Variants in UTY observed in about 807,000 individuals in gnomAD.
UTY encodes ubiquitously transcribed tetratricopeptide repeat containing, Y-linked, also known as histone demethylase UTY.
UTY carries 12 observed loss-of-function variants against 32.5 expected under a neutral mutation model. That is an observed-to-expected ratio of 0.37 (90% CI 0.24 to 0.60). The LOEUF (loss-of-function observed/expected upper bound fraction) is 0.60. Among genes scored for constraint, UTY ranks in the 20% least tolerant of loss-of-function variants. The pLI, the probability that UTY is intolerant of heterozygous loss-of-function variation, is 0.69. For synonymous variants in UTY, 131 were observed against 103.4 expected (o/e 1.27, Z -1.62); for missense variants, 303 against 299.2 (o/e 1.01, Z -0.09).
At chrY:13,264,292 T>C (rs769763516) in intron 27 of UTY, among the ~76,000 whole-genome samples, 2 of 33,732 alleles carry the variant, frequency 5.9e-5, no homozygotes, top group Admixed American at 5.4e-4. Flanking sequence ...ATGTACCCAG[T>C]AATGGAATTG....
chrY:13,396,578 G>A (rs749060019), intron 7 of UTY: 43 of 35,913 alleles, frequency 1.2e-3, no homozygotes, highest in Admixed American at 6.9e-3. Context: ...TCAAGCTTAC[G>A]GTATGTGCAA....
At chrY:13,263,994 T>A (rs2055525011) in intron 27 of UTY, among the ~76,000 whole-genome samples, 2 of 33,972 alleles carry the variant, frequency 5.9e-5, no homozygotes, top group South Asian at 1.3e-3. Flanking sequence ...ATCTCAATGT[T>A]CAACTCCCAC....
intron 3 of UTY, among the ~76,000 whole-genome samples, chrY:13,452,305 G>A (rs2076387046): frequency 6.1e-5 from 2 of 32,792 alleles, no homozygotes; most frequent in East Asian, 8.0e-4. Flanking sequence ...CCCATGAGGC[G>A]GACGCTGCAG....
intron 27 of UTY, among the ~76,000 whole-genome samples, chrY:13,293,298 G>C: frequency 3.0e-5 from 1 of 33,122 alleles, no homozygotes; most frequent in Admixed American, 2.8e-4. Context: ...AATTAGATAA[G>C]AAAAATAAAT....
chrY:13,275,983 G>C, intron 27 of UTY, among the ~76,000 whole-genome samples: 1 of 34,043 alleles, frequency 2.9e-5, no homozygotes, highest in Non-Finnish European at 7.3e-5. Context: ...AGTGGCTCAA[G>C]CCTGTAATCC....
intron 3 of UTY, among the ~76,000 whole-genome samples, chrY:13,456,256 CAT>C (rs1352776311): frequency 9.0e-5 from 3 of 33,251 alleles, no homozygotes. Flanking sequence ...TTCACACAAA[CAT>C]ATATGTGAAG....
chrY:13,323,101 C>A, intron 21 of UTY: 1 of 228,315 alleles, frequency 4.4e-6, no homozygotes, highest in Non-Finnish European at 5.3e-6. Context: ...ATTTTGCTTA[C>A]ATTTTTAAAA....
intron 21 of UTY, among the ~76,000 whole-genome samples, chrY:13,313,767 G>T (rs1033410205): frequency 9.0e-5 from 3 of 33,488 alleles, no homozygotes. Context: ...CATCGGTTTC[G>T]TCTGGGAACA....
At chrY:13,247,818 T>C (rs2053966505), downstream of UTY, among the ~76,000 whole-genome samples, 1 of 33,987 alleles carries the variant, frequency 2.9e-5, no homozygotes, top group Non-Finnish European at 7.3e-5. Flanking sequence ...ATCCTAGCCA[T>C]AAATCATCTT....
chrY:13,450,546 C>G (rs2076235021), intron 3 of UTY, among the ~76,000 whole-genome samples: 2 of 33,563 alleles, frequency 6.0e-5, no homozygotes, highest in South Asian at 1.3e-3. Flanking sequence ...CAAGCATGGC[C>G]AGGCGCAGTT....
At chrY:13,469,494 C>A (rs954272686) in intron 3 of UTY, among the ~76,000 whole-genome samples, 3 of 32,712 alleles carry the variant, frequency 9.2e-5, no homozygotes, top group Non-Finnish European at 2.2e-4. Context: ...CAGGCATGAG[C>A]CACCAGGCCC....
At chrY:13,277,117 A>G in intron 27 of UTY, among the ~76,000 whole-genome samples, 1 of 34,046 alleles carries the variant, frequency 2.9e-5, no homozygotes, top group Non-Finnish European at 7.3e-5. Flanking sequence ...TTAATGCAAC[A>G]CCGTACAAGT....
At chrY:13,391,557 G>C in intron 8 of UTY, among the ~76,000 whole-genome samples, 1 of 32,397 alleles carries the variant, frequency 3.1e-5, no homozygotes, top group Non-Finnish European at 7.6e-5. Flanking sequence ...GTTCTCACAA[G>C]ATCTGGTGGT....
intron 9 of UTY, among the ~76,000 whole-genome samples, chrY:13,367,614 T>C: frequency 3.0e-5 from 1 of 33,219 alleles, no homozygotes; most frequent in South Asian, 6.4e-4. Flanking sequence ...GAAAAAAAAT[T>C]TATATTACCA....
At chrY:13,471,707 C>T in intron 2 of UTY, among the ~76,000 whole-genome samples, 1 of 31,485 alleles carries the variant, frequency 3.2e-5, no homozygotes, top group Non-Finnish European at 7.7e-5. Flanking sequence ...TCTGTAGTCC[C>T]AGCTACCGGA....
chrY:13,257,355 T>C, intron 28 of UTY, among the ~76,000 whole-genome samples: 1 of 33,698 alleles, frequency 3.0e-5, no homozygotes, highest in Non-Finnish European at 7.3e-5. Flanking sequence ...ATTAAACGCA[T>C]TACTGGTATC....
intron 6 of UTY, among the ~76,000 whole-genome samples, chrY:13,404,123 G>A (rs761978720): frequency 6.1e-5 from 2 of 32,658 alleles, no homozygotes; most frequent in South Asian, 6.9e-4. Flanking sequence ...ATCCCTCCAC[G>A]AAAAAGCTCC....
At chrY:13,288,831 T>TGTA (rs2057586212) in intron 27 of UTY, among the ~76,000 whole-genome samples, 1 of 33,665 alleles carries the variant, frequency 3.0e-5, no homozygotes, top group Non-Finnish European at 7.3e-5. Context: ...TCTTGACTAC[T>TGTA]TGCTAGCAGC....
At chrY:13,419,703 C>A in intron 4 of UTY, among the ~76,000 whole-genome samples, 1 of 33,329 alleles carries the variant, frequency 3.0e-5, no homozygotes, top group African/African-American at 1.2e-4. Context: ...CAGATTCAGG[C>A]TATCCTCCCA....
Sources: allele counts gnomAD v4.1 joint callset (sites outside exome capture counted in the v4.1 genomes callset), GRCh38; gene constraint gnomAD v4.1.1; transcripts MANE v1.5; gene names NCBI Gene and HGNC (gene_info 2026-07-23, HGNC 2026-07-21).